The following CNTN4 variants were observed in gnomAD, a reference collection of about 807,000 sequenced individuals.
CNTN4 encodes the protein contactin-4.
A neutral mutation model predicts 122.5 loss-of-function variants in CNTN4; 77 were observed. That is an observed-to-expected ratio of 0.63 (90% CI 0.52 to 0.76). CNTN4 has a LOEUF of 0.76. CNTN4 is among the 30% of genes least tolerant of loss of function. CNTN4 has a pLI of 0.00. For missense variants in CNTN4, 1,256 were observed against 1,259.1 expected, an observed-to-expected ratio of 1.00 and a Z score of 0.04; for synonymous variants, 512 against 447.0, an observed-to-expected ratio of 1.15 and a Z score of -1.83.
At chr3:2,548,269 T>C (rs1384829030) in intron 3 of CNTN4, among the ~76,000 whole-genome samples, 2 of 152,194 alleles carry the variant, frequency 1.3e-5, no homozygotes, top group African/African-American at 4.8e-5. Context: ...TCCTCAATGG[T>C]ATTGCCTAGG....
In CNTN4 at chr3:2,449,444, G is replaced by A. The variant is rs144314343; in HGVS notation, c.-89+110211G>A. The stretch of plus-strand genomic sequence containing the variant: ...AGCCTGGCCAACATGGCAAAACCCC[G>A]TCTCTACTAAAAATACAAAAATTAG... On this transcript the variant is annotated intron_variant, in intron 3 of 24. Transcript: ENST00000418658. Among the ~76,000 whole-genome samples, 499 of 151,900 alleles carry A rather than the reference G, an allele frequency of 3.3e-3. 3 individuals carry two copies. Among genetic ancestry groups the A allele is most frequent in the African/African-American group, 0.011 (444 of 41,440 alleles).
intron 7 of CNTN4, among the ~76,000 whole-genome samples, chr3:2,827,932 G>C (rs1489557722): frequency 6.6e-6 from 1 of 152,160 alleles, no homozygotes; most frequent in East Asian, 1.9e-4. Flanking sequence ...CAAAATGTGA[G>C]ATTTTTAAAT....
At chr3:2,762,093 G>A (rs1411858518) in intron 6 of CNTN4, among the ~76,000 whole-genome samples, 1 of 152,208 alleles carries the variant, frequency 6.6e-6, no homozygotes, top group Non-Finnish European at 1.5e-5. Context: ...CATTGAACAA[G>A]TAACCTCAAG....
At chr3:2,658,965 G>GACAC (rs67168398) in intron 4 of CNTN4, among the ~76,000 whole-genome samples, 2,600 of 139,654 alleles carry the variant, frequency 0.019, 39 homozygotes, top group Admixed American at 0.026. Context: ...CACACAAACA[G>GACAC]ACACACACAC....
At chr3:2,469,027 C>T (rs777953019) in intron 3 of CNTN4, among the ~76,000 whole-genome samples, 74 of 152,194 alleles carry the variant, frequency 4.9e-4, no homozygotes, top group Middle Eastern at 3.4e-3. Context: ...AGTCAAAATC[C>T]GTCACTGTGG....
At chr3:2,919,037 G>C (rs1214670931) in intron 12 of CNTN4, among the ~76,000 whole-genome samples, 1 of 151,976 alleles carries the variant, frequency 6.6e-6, no homozygotes, top group Admixed American at 6.6e-5. Flanking sequence ...CCAGAAGTCA[G>C]ACAAAAGAAA....
chr3:2,433,829 T>C (rs535209025), intron 3 of CNTN4, among the ~76,000 whole-genome samples: 2 of 152,334 alleles, frequency 1.3e-5, no homozygotes, highest in East Asian at 3.9e-4. Context: ...AATTTCATTC[T>C]ACTTGCGAGT....
At position 2,236,504 on chromosome 3, in the gene CNTN4, A is replaced by G. The variant is rs1439709625; in HGVS notation, c.-144-102674A>G. On this transcript the variant is annotated intron_variant, in intron 2 of 24. Transcript: ENST00000418658. The stretch of plus-strand genomic sequence containing the variant: ...ACACCTGCTGTGTTCAATTCATTGA[A>G]CTACATGTGAAGAGTAAATAGTTTT... Among the ~76,000 whole-genome samples the G allele has an allele frequency of 2.0e-5, 3 of 152,224 alleles. No individual in the cohort carries two copies. In the South Asian group the frequency reaches 6.2e-4, roughly 31 times the overall value.
intron 3 of CNTN4, among the ~76,000 whole-genome samples, chr3:2,535,058 A>G (rs1161307051): frequency 6.6e-6 from 1 of 152,158 alleles, no homozygotes; most frequent in South Asian, 2.1e-4. Context: ...GGCATAGCTT[A>G]TGTCCCATTC....
At position 2,571,225 on chromosome 3, in the gene CNTN4, A is replaced by G. The variant is rs868346589; in HGVS notation, c.-88-191A>G. On this transcript the variant is annotated intron_variant, in intron 3 of 24. Coordinates refer to ENST00000418658, the MANE Select transcript of CNTN4 (RefSeq NM_175607.3). Reference sequence around the variant, plus strand: ...GACACTTCAGCTCCAATCCCTGCCCAATTATTATCTGCAAGAAAAAAATAG... The same window carrying G: ...GACACTTCAGCTCCAATCCCTGCCCGATTATTATCTGCAAGAAAAAAATAG... 1.6e-5 allele frequency: 8 copies of G among 495,632 alleles called. No homozygotes were observed. The Middle Eastern group carries it at 3.5e-3, about 217-fold the overall frequency. The allele number at this position is 495,632 out of a possible 1,614,324, so 30.7% of individuals were successfully genotyped here.
At chr3:2,754,832 C>T (rs1467555413) in intron 6 of CNTN4, among the ~76,000 whole-genome samples, 6 of 151,692 alleles carry the variant, frequency 4.0e-5, no homozygotes, top group Non-Finnish European at 8.8e-5. Flanking sequence ...TTTAAGTTAG[C>T]CTTATCAGTT....
intron 2 of CNTN4, among the ~76,000 whole-genome samples, chr3:2,230,828 A>C (rs1362616139): frequency 6.6e-6 from 1 of 152,036 alleles, no homozygotes; most frequent in African/African-American, 2.4e-5. Context: ...TTTATAAAAA[A>C]ATACCAAAAT....
At chr3:2,136,560 A>G (rs2034701837) in intron 2 of CNTN4, among the ~76,000 whole-genome samples, 2 of 152,188 alleles carry the variant, frequency 1.3e-5, no homozygotes, top group South Asian at 4.1e-4. Flanking sequence ...TGCATAGGCT[A>G]TCTCTGGTAA....
chr3:3,049,592 T>C (rs1187138377), intron 23 of CNTN4, among the ~76,000 whole-genome samples: 5 of 151,948 alleles, frequency 3.3e-5, no homozygotes, highest in Admixed American at 6.6e-5. Context: ...ATAGAATAAG[T>C]GATAACAAAG....
rs73110701 is a variant in CNTN4 at position 2,625,153 on chromosome 3, T to C, written c.55+53595T>C. Among the ~76,000 whole-genome samples the C allele has an allele frequency of 2.4e-3, 372 of 152,246 alleles. 3 individuals carry two copies. The highest frequency in any genetic ancestry group is 8.7e-3 in the African/African-American group (362 of 41,560). On this transcript the variant is annotated intron_variant, in intron 4 of 24. Transcript: ENST00000418658. ...CCAGTATTGTTTTCAGTACATACTG[T>C]AATCGTGCTTAATAAGAATTGTAAC...
chr3:2,442,655 T>G (rs982232465), intron 3 of CNTN4, among the ~76,000 whole-genome samples: 8 of 152,164 alleles, frequency 5.3e-5, no homozygotes, highest in African/African-American at 1.9e-4. Context: ...TGATTTAGGA[T>G]TTTGGTAATA....
chr3:2,394,784 G>GTTTTTT (rs56027529), intron 3 of CNTN4, among the ~76,000 whole-genome samples: 14 of 108,512 alleles, frequency 1.3e-4, no homozygotes, highest in Non-Finnish European at 1.5e-4. Flanking sequence ...CCTTATATTA[G>GTTTTTT]TTTTTTTTTT....
chr3:2,527,025 C>G (rs2077422596), intron 3 of CNTN4, among the ~76,000 whole-genome samples: 1 of 152,116 alleles, frequency 6.6e-6, no homozygotes, highest in South Asian at 2.1e-4. Flanking sequence ...TCTCAGAAAA[C>G]GTAGAAGACA....
chr3:2,103,390 A>G (rs1017206721), intron 2 of CNTN4, among the ~76,000 whole-genome samples: 2 of 152,204 alleles, frequency 1.3e-5, no homozygotes, highest in African/African-American at 4.8e-5. Context: ...GCAGATATTT[A>G]AAGTAACTCC....
Sources: allele counts gnomAD v4.1 joint callset (sites outside exome capture counted in the v4.1 genomes callset), GRCh38; gene constraint gnomAD v4.1.1; transcripts MANE v1.5; gene names NCBI Gene and HGNC (gene_info 2026-07-23, HGNC 2026-07-21).